Variants in SPATA9 observed in about 807,000 individuals in gnomAD.
SPATA9 encodes spermatogenesis associated 9.
Under a neutral mutation model 25.5 loss-of-function variants are expected in SPATA9, and 27 were observed. The ratio of observed to expected loss-of-function variants is 1.06; its 90% CI spans 0.78 to 1.46. SPATA9 has a LOEUF of 1.46. Among genes scored for constraint, SPATA9 ranks in the 40% most tolerant of loss-of-function variants. The probability of loss-of-function intolerance (pLI) is 0.00; values close to 1 mark genes in which losing one functional copy is unlikely to be tolerated. For synonymous variants in SPATA9, 102 were observed against 105.7 expected (o/e 0.97, Z 0.21); for missense variants, 282 against 297.5 (o/e 0.95, Z 0.38).
exon 1 of SPATA9, chr5:95,698,635 C>A (rs770819988): frequency 1.3e-5 from 2 of 152,114 alleles, no homozygotes; most frequent in Non-Finnish European, 2.9e-5. Flanking sequence ...AAGCAGAAAC[C>A]GATGAGGGAG....
the SPATA9 span, chr5:95,708,689 G>T: frequency 1.4e-6 from 1 of 695,576 alleles, no homozygotes; most frequent in Non-Finnish European, 2.6e-6. Context: ...CCTGCTGCAA[G>T]GTTGACACTT....
At chr5:95,656,647 AT>A (rs1364465536), downstream of SPATA9, 9 of 163,308 alleles carry the variant, frequency 5.5e-5, 1 homozygote, top group African/African-American at 2.2e-4. Flanking sequence ...AATTTAAAAA[AT>A]TTAATTTTTA....
At chr5:95,713,355 G>A in the SPATA9 span, among the ~76,000 whole-genome samples, 3 of 151,902 alleles carry the variant, frequency 2.0e-5, no homozygotes, top group East Asian at 1.9e-4. Context: ...GGAGGGGCCC[G>A]GTGGGAGGTG....
intron 1 of SPATA9, among the ~76,000 whole-genome samples, chr5:95,694,467 A>G (rs1419796423): frequency 6.6e-6 from 1 of 152,230 alleles, no homozygotes; most frequent in Non-Finnish European, 1.5e-5. Context: ...ATAAAAAAGA[A>G]AAGTATCATG....
At chr5:95,705,516 G>A in the SPATA9 span, among the ~76,000 whole-genome samples, 1 of 151,914 alleles carries the variant, frequency 6.6e-6, no homozygotes, top group Non-Finnish European at 1.5e-5. Flanking sequence ...TCAGTTTTAT[G>A]TACAGAACTA....
chr5:95,690,347 T>C (rs1753851187), intron 1 of SPATA9, among the ~76,000 whole-genome samples: 1 of 152,206 alleles, frequency 6.6e-6, no homozygotes, highest in Non-Finnish European at 1.5e-5. Context: ...CCCTGGTATC[T>C]AAATTCTGGG....
At chr5:95,662,371 T>A (rs1488002447) in intron 4 of SPATA9, among the ~76,000 whole-genome samples, 1 of 152,188 alleles carries the variant, frequency 6.6e-6, no homozygotes. Flanking sequence ...AGAAAGCACG[T>A]AAGATAAAGG....
the SPATA9 span, among the ~76,000 whole-genome samples, chr5:95,729,675 C>A: frequency 6.6e-6 from 1 of 152,152 alleles, no homozygotes; most frequent in African/African-American, 2.4e-5. Context: ...ACAACGCCCC[C>A]TTTTCCCCTC....
chr5:95,669,483 T>C (rs905228613), intron 3 of SPATA9, among the ~76,000 whole-genome samples: 2 of 152,226 alleles, frequency 1.3e-5, no homozygotes, highest in African/African-American at 4.8e-5. Flanking sequence ...ACGAGTTCAC[T>C]GGGATCCACC....
chr5:95,702,367 A>G (rs191645258), upstream of SPATA9, among the ~76,000 whole-genome samples: 5 of 152,352 alleles, frequency 3.3e-5, no homozygotes, highest in African/African-American at 1.2e-4. Context: ...GAATTCACAT[A>G]GAGACCATTT....
At chr5:95,692,199 G>A (rs183446074) in intron 1 of SPATA9, among the ~76,000 whole-genome samples, 7 of 151,986 alleles carry the variant, frequency 4.6e-5, no homozygotes, top group African/African-American at 7.2e-5. Flanking sequence ...ATCTTTCAGT[G>A]GTGCCTGAAA....
chr5:95,708,995 T>C, the SPATA9 span, among the ~76,000 whole-genome samples: 1 of 152,182 alleles, frequency 6.6e-6, no homozygotes, highest in Non-Finnish European at 1.5e-5. Flanking sequence ...CCCATGTTTC[T>C]AGTTGGGCTC....
chr5:95,674,889 C>T lies in SPATA9; in HGVS notation c.378+523G>A, dbSNP rs117824584. 1,556 of 394,260 alleles carry T rather than the reference C, an allele frequency of 3.9e-3. 66 individuals carry two copies. The East Asian group carries it at 0.088, about 22-fold the overall frequency. 24.4% of individuals were successfully genotyped at this position (394,260 alleles called of 1,614,324 possible). A position where few individuals can be genotyped will look rare whatever the true frequency, so the allele number is the denominator to read the frequency against. ...GACATTTAGGATGCTTTGTATAATGCCCAAATTGAAAAACTCTGAGTTCTG... is the reference window on the plus strand; with the variant it reads ...GACATTTAGGATGCTTTGTATAATGTCCAAATTGAAAAACTCTGAGTTCTG... On this transcript the variant is annotated intron_variant, in intron 3 of 4. Transcript: ENST00000274432.
chr5:95,720,887 C>G, the SPATA9 span, among the ~76,000 whole-genome samples: 780 of 152,274 alleles, frequency 5.1e-3, 7 homozygotes, highest in African/African-American at 0.018. Context: ...ACTTGTTCAA[C>G]AAAATGTCAT....
intron 3 of SPATA9, among the ~76,000 whole-genome samples, chr5:95,667,382 G>A (rs1023101399): frequency 2.6e-5 from 4 of 152,044 alleles, no homozygotes; most frequent in Admixed American, 1.3e-4. Flanking sequence ...TCTTCGGGCC[G>A]TACTAACTCC....
chr5:95,702,998 A>G (rs1303083603), upstream of SPATA9, among the ~76,000 whole-genome samples: 1 of 152,224 alleles, frequency 6.6e-6, no homozygotes, highest in Non-Finnish European at 1.5e-5. Flanking sequence ...ATAAAGTACC[A>G]TTTGCATTAA....
At chr5:95,721,417 T>C in the SPATA9 span, among the ~76,000 whole-genome samples, 2 of 152,194 alleles carry the variant, frequency 1.3e-5, no homozygotes, top group South Asian at 2.1e-4. Context: ...AAGATGAACA[T>C]TGAAAACACT....
the SPATA9 span, chr5:95,731,967 G>T: frequency 6.2e-7 from 1 of 1,614,184 alleles, no homozygotes; most frequent in Non-Finnish European, 8.5e-7. Flanking sequence ...TGGTCTCCGG[G>T]GACGAGAGCA....
the SPATA9 span, among the ~76,000 whole-genome samples, chr5:95,716,775 C>T: frequency 6.6e-6 from 1 of 152,080 alleles, no homozygotes; most frequent in East Asian, 1.9e-4. Context: ...CCCATAATCC[C>T]CACGTGTCAT....
Sources: allele counts gnomAD v4.1 joint callset (sites outside exome capture counted in the v4.1 genomes callset), GRCh38; gene constraint gnomAD v4.1.1; transcripts MANE v1.5; gene names NCBI Gene and HGNC (gene_info 2026-07-23, HGNC 2026-07-21).